TDRD5: variants seen among roughly 807,000 people sequenced by gnomAD.
TDRD5 encodes the protein tudor domain-containing protein 5.
TDRD5 carries 41 observed loss-of-function variants against 120.6 expected under a neutral mutation model. The ratio of observed to expected loss-of-function variants is 0.34; its 90% confidence interval spans 0.26 to 0.44. TDRD5 has a LOEUF of 0.44. Among genes scored for constraint, TDRD5 ranks in the 20% least tolerant of loss-of-function variants. The probability of loss-of-function intolerance (pLI) is 1.00; values close to 1 mark genes in which losing one functional copy is unlikely to be tolerated. For missense variants in TDRD5, 1,006 were observed against 1,221.2 expected, an observed-to-expected ratio of 0.82 and a Z score of 2.63; for synonymous variants, 430 against 433.7, an observed-to-expected ratio of 0.99 and a Z score of 0.11.
rs1681127871 is a variant in TDRD5, at chr1:179,691,084, TATTATGCTAACAGTC to T, written c.*142_*156del. The T allele has an allele frequency of 1.8e-6, 2 of 1,096,394 alleles. No homozygotes were observed. The highest frequency in any genetic ancestry group is 3.2e-5 in the African/African-American group (2 of 63,136). The allele number at this position is 1,096,394 out of a possible 1,614,324, so 67.9% of individuals were successfully genotyped here. ...TCTTTCTGTGACTATATGTTAGCTTTATTATGCTAACAGTCTACTTTGATGTGTAAGTAAGTATTG... is the reference window on the plus strand; with the variant it reads ...TCTTTCTGTGACTATATGTTAGCTTTTACTTTGATGTGTAAGTAAGTATTG... On this transcript the variant is annotated 3_prime_UTR_variant, in exon 18 of 18. Coordinates refer to ENST00000444136, the MANE Select transcript of TDRD5 (RefSeq NM_001199085.3).
At position 179,651,026 on chromosome 1, in the gene TDRD5, G is replaced by A; in HGVS notation, c.1960G>A (p.Glu654Lys). The stretch of plus-strand genomic sequence containing the variant: ...CTATTTCCATCATGTCTTGAGAACA[G>A]AGGGCCATGCTATTGTATGCCGAGA... The part of the protein sequence containing the change: ...DVYFHHVLRT[E>K]GHAIVCRENI... Residue 654 changes from glutamate (E) to lysine (K), a missense_variant, in exon 12 of 18, where the codon GAG (glutamate) becomes AAG (lysine). Glu to Lys is a moderately conservative substitution (Grantham distance 56). Around this residue, in one of 3 missense-constraint regions of TDRD5, gnomAD observed 403 missense variants for 448.1 expected, o/e 0.90. Coordinates refer to ENST00000444136, the MANE Select transcript of TDRD5 (RefSeq NM_001199085.3). 2 of 1,614,152 alleles carry A rather than the reference G, an allele frequency of 1.2e-6. No homozygotes were observed. The highest frequency in any genetic ancestry group is 2.2e-5 in the East Asian group (1 of 44,872).
intron 17 of TDRD5, among the ~76,000 whole-genome samples, chr1:179,675,441 G>A (rs957907038): frequency 4.0e-5 from 6 of 149,462 alleles, no homozygotes; most frequent in African/African-American, 9.8e-5. Context: ...CACCACGCCC[G>A]GCTAATTTTT....
At chr1:179,601,143 T>G (rs12565481) in intron 4 of TDRD5, among the ~76,000 whole-genome samples, 2,563 of 136,920 alleles carry the variant, frequency 0.019, 56 homozygotes, top group East Asian at 0.12. Context: ...CTTTTTAACT[T>G]TTTTAATGAA....
chr1:179,612,095 A>G (rs1030593069), intron 4 of TDRD5, among the ~76,000 whole-genome samples: 1 of 152,252 alleles, frequency 6.6e-6, no homozygotes, highest in Non-Finnish European at 1.5e-5. Flanking sequence ...ATAGAAAAAT[A>G]TATTACAAAA....
chr1:179,660,505 A>G (rs540932272), intron 14 of TDRD5, among the ~76,000 whole-genome samples: 8 of 151,610 alleles, frequency 5.3e-5, no homozygotes, highest in African/African-American at 1.9e-4. Context: ...TATTATATCT[A>G]TTTGTATAGT....
Position 179,650,789 on chromosome 1 carries a change from G to C in TDRD5, c.1801-78G>C, listed in dbSNP as rs1572399366. The C allele has an allele frequency of 3.5e-6, 5 of 1,425,834 alleles. No individual in the cohort carries two copies. The East Asian group carries it at 1.1e-4, about 33-fold the overall frequency. 88.3% of individuals were successfully genotyped at this position (1,425,834 alleles called of 1,614,324 possible). ...TTCCACTTAAATCTCTAGTTCATCA[G>C]AATTCATTGTTGTATATGGTTATTA... On this transcript the variant is annotated intron_variant, in intron 11 of 17. Transcript: ENST00000444136.
chr1:179,625,550 T>C (rs1294094346), intron 6 of TDRD5, among the ~76,000 whole-genome samples: 3 of 152,148 alleles, frequency 2.0e-5, no homozygotes, highest in Non-Finnish European at 4.4e-5. Flanking sequence ...TATGATAAAC[T>C]CACATTTTTG....
chr1:179,593,808 GTTCT>G lies in TDRD5; in HGVS notation c.584_587del (p.Ser195CysfsTer2). On this transcript the variant is annotated frameshift_variant, in exon 3 of 18. Coordinates refer to ENST00000444136, the MANE Select transcript of TDRD5 (RefSeq NM_001199085.3). LOFTEE classifies it high-confidence loss of function. The stretch of plus-strand genomic sequence containing the variant: ...ATTTCTGTAGAGCAGACCAGAGCAG[GTTCT>G]TTGTTGATGCTAAAGAAGAGTGTAA... 1 of 1,614,242 alleles carries G rather than the reference GTTCT, an allele frequency of 6.2e-7. No homozygotes were observed. Among genetic ancestry groups the G allele is most frequent in the Non-Finnish European group, 8.5e-7 (1 of 1,180,050 alleles).
At chr1:179,595,512 T>A in intron 3 of TDRD5, 116 bp from the exon 4 acceptor site, 1 of 822,776 alleles carries the variant, frequency 1.2e-6, no homozygotes, top group Non-Finnish European at 1.8e-6. Context: ...TTTTCTTAAT[T>A]TTTGCTTCTA....
In TDRD5 at chr1:179,669,357, G is replaced by C; in HGVS notation, c.2813G>C (p.Cys938Ser). The C allele has an allele frequency of 3.1e-6, 5 of 1,614,196 alleles. No individual in the cohort carries two copies. The highest frequency in any genetic ancestry group is 4.2e-6 in the Non-Finnish European group (5 of 1,180,042). Residue 938 changes from cysteine (C) to serine (S), a missense_variant, in exon 17 of 18, where the codon TGT (cysteine) becomes TCT (serine). By Grantham distance (112) the Cys-to-Ser change is moderately radical. Transcript: ENST00000444136. Reference sequence around the variant, plus strand: ...ATTCAGCTTTCCACAGCAGCACCCTGTTCAACAACTGCAGTGGATGATTCC... The same window carrying C: ...ATTCAGCTTTCCACAGCAGCACCCTCTTCAACAACTGCAGTGGATGATTCC... ...KQIQLSTAAPCSTTAVDDSAE... is the reference protein window; with the variant it reads ...KQIQLSTAAPSSTTAVDDSAE...
intron 17 of TDRD5, among the ~76,000 whole-genome samples, chr1:179,686,657 G>T (rs1209354446): frequency 1.3e-5 from 2 of 148,688 alleles, no homozygotes; most frequent in Non-Finnish European, 3.0e-5. Context: ...ATTCGGCTGT[G>T]AATCTGACTG....
intron 11 of TDRD5, among the ~76,000 whole-genome samples, chr1:179,647,579 A>G (rs1439245422): frequency 6.6e-6 from 1 of 151,744 alleles, no homozygotes. Flanking sequence ...AGCAATGGCA[A>G]CAAAAGCCAA....
In TDRD5 at chr1:179,662,117, C is replaced by A; in HGVS notation, c.2336C>A (p.Thr779Asn). The change falls in exon 15 of 18, where the codon ACT becomes AAT. Residue 779 changes from threonine (T) to asparagine (N), a missense_variant. By Grantham distance (65) the Thr-to-Asn change is moderately conservative. Coordinates refer to ENST00000444136, the MANE Select transcript of TDRD5 (RefSeq NM_001199085.3). ...GTTACATTTTAGGATGAGATCCCCA[C>A]TGGAATGCCATGCCTGGAGTCAGTG... is the stretch of plus-strand genomic sequence containing the variant. ...LKEENEDEIP[T>N]GMPCLESVTI... 1 of 1,575,306 alleles carries A rather than the reference C, an allele frequency of 6.3e-7. No individual in the cohort carries two copies. Among genetic ancestry groups the A allele is most frequent in the African/African-American group, 1.4e-5 (1 of 72,688 alleles).
rs1236033024 is a variant in TDRD5, at chr1:179,634,626, G to C, written c.1296G>C (p.Gln432His). The change falls in exon 8 of 18, where the codon CAG becomes CAC. Residue 432 changes from glutamine (Q) to histidine (H), a missense_variant. This residue lies in a region of TDRD5 where 445 missense variants were observed against 515.5 expected (regional missense o/e 0.86). Coordinates refer to ENST00000444136, the MANE Select transcript of TDRD5 (RefSeq NM_001199085.3). ...CTAATCTGGTGGTAAAGCCTTTACA[G>C]CTGGTGAGTGAGGTTTAAAGACTGT... is the stretch of plus-strand genomic sequence containing the variant. Reference protein sequence around the residue: ...KKPNLVVKPLQLQVETNKSEL... With the variant: ...KKPNLVVKPLHLQVETNKSEL... 3 of 1,608,018 alleles carry C rather than the reference G, an allele frequency of 1.9e-6. No homozygotes were observed. The highest frequency in any genetic ancestry group is 3.4e-5 in the Admixed American group (2 of 58,334).
intron 17 of TDRD5, among the ~76,000 whole-genome samples, chr1:179,669,703 G>A (rs4651045): frequency 0.34 from 51,325 of 151,900 alleles, 8,898 homozygotes; most frequent in Admixed American, 0.42. Flanking sequence ...TGATAGTCTC[G>A]TCATCACAGC....
intron 17 of TDRD5, among the ~76,000 whole-genome samples, chr1:179,690,316 A>G (rs556622577): frequency 6.6e-6 from 1 of 152,316 alleles, no homozygotes; most frequent in South Asian, 2.1e-4. Context: ...TGGCAATAGA[A>G]TGCCTGTGGG....
intron 4 of TDRD5, among the ~76,000 whole-genome samples, chr1:179,597,008 A>G (rs1288723235): frequency 6.6e-6 from 1 of 152,226 alleles, no homozygotes; most frequent in Non-Finnish European, 1.5e-5. Context: ...GTGGGTGTGT[A>G]GTGCTATCTC....
intron 4 of TDRD5, among the ~76,000 whole-genome samples, chr1:179,611,976 C>T (rs1430738222): frequency 1.3e-5 from 2 of 152,156 alleles, no homozygotes; most frequent in Admixed American, 1.3e-4. Context: ...TATCAGACCT[C>T]ACATAATCCT....
chr1:179,626,019 A>T (rs1006393490), intron 6 of TDRD5, among the ~76,000 whole-genome samples: 2 of 151,088 alleles, frequency 1.3e-5, no homozygotes, highest in Non-Finnish European at 2.9e-5. Flanking sequence ...AACAATGAGA[A>T]CACATGGACA....
Sources: allele counts gnomAD v4.1 joint callset (sites outside exome capture counted in the v4.1 genomes callset), GRCh38; gene constraint gnomAD v4.1.1; regional missense constraint gnomAD v4.1.1; transcripts MANE v1.5; gene names NCBI Gene and HGNC (gene_info 2026-07-23, HGNC 2026-07-21).